CCDC62: variants seen among roughly 807,000 people sequenced by gnomAD.
The protein encoded by CCDC62 is coiled-coil domain-containing protein 62.
Under a neutral mutation model 80.8 loss-of-function variants are expected in CCDC62, and 72 were observed. That is an observed-to-expected ratio of 0.89 (90% confidence interval 0.74 to 1.08). The LOEUF is 1.08. Among genes scored for constraint, CCDC62 ranks in the 50% least tolerant of loss-of-function variants. The pLI is 0.00. For synonymous variants in CCDC62, 286 were observed against 296.5 expected (o/e 0.96, Z 0.36); for missense variants, 704 against 809.4 (o/e 0.87, Z 1.58).
chr12:122,787,299 A>C (rs894496355), intron 4 of CCDC62, among the ~76,000 whole-genome samples: 9 of 152,030 alleles, frequency 5.9e-5, no homozygotes, highest in Non-Finnish European at 1.3e-4. Flanking sequence ...AAATACAAAA[A>C]AATTAGCCGG....
chr12:122,806,016 T>C, intron 9 of CCDC62, 135 bp from the exon 10 acceptor site: 2 of 668,888 alleles, frequency 3.0e-6, no homozygotes, highest in Admixed American at 6.0e-5. Flanking sequence ...CAATCTATAA[T>C]GTTCTACTCA....
rs1593807770 is a variant in CCDC62, at chr12:122,801,307, T to C, written c.1161T>C (p.Phe387=). The C allele has an allele frequency of 3.7e-6, 6 of 1,614,132 alleles. No homozygotes were observed. The Admixed American group carries it at 8.3e-5, about 22-fold the overall frequency. Residue 387 remains phenylalanine (F), a synonymous_variant, in exon 9 of 13, where the codon TTT becomes TTC. Transcript: ENST00000253079. The stretch of plus-strand genomic sequence containing the variant: ...AGAAACAACAGATCGATACTGTGTT[T>C]GGGGAGAAAAGTGTAATTACGCTGT... The part of the protein sequence containing the change: ...KEKKQQIDTV[F]GEKSVITLSS...
In CCDC62 at chr12:122,825,505, C is replaced by A. The variant is rs1448016009; in HGVS notation, c.*41-917C>A. Among the ~76,000 whole-genome samples, 14 of 113,936 alleles carry A rather than the reference C, an allele frequency of 1.2e-4. No homozygotes were observed. In the Admixed American group the frequency reaches 1.4e-3, roughly 12 times the overall value. 74.7% of individuals were successfully genotyped at this position (113,936 alleles called of 152,430 possible). Reference sequence around the variant, plus strand: ...GGGATTACAGGCATGTGCCACCATGCCCGGCTAATTTTTTTTTTTTTTGTA... The same window carrying A: ...GGGATTACAGGCATGTGCCACCATGACCGGCTAATTTTTTTTTTTTTTGTA... On this transcript the variant is annotated intron_variant, in intron 12 of 12. Coordinates refer to ENST00000253079, the MANE Select transcript of CCDC62 (RefSeq NM_201435.5).
intron 10 of CCDC62, among the ~76,000 whole-genome samples, chr12:122,808,435 A>G (rs2135572314): frequency 6.6e-6 from 1 of 152,292 alleles, no homozygotes; most frequent in African/African-American, 2.4e-5. Flanking sequence ...TTGCATATTC[A>G]TGTATCATAA....
intron 9 of CCDC62, among the ~76,000 whole-genome samples, chr12:122,804,741 A>T (rs1331286667): frequency 6.6e-6 from 1 of 151,674 alleles, no homozygotes; most frequent in Non-Finnish European, 1.5e-5. Context: ...CTTTTTAGAG[A>T]TAGGGTCTCG....
chr12:122,798,233 T>C lies in CCDC62; in HGVS notation c.977+33T>C, dbSNP rs1223089128. ...TAGCAAGATGCAATTAATATGATCT[T>C]GTATTATATTCCATCAGCCAGTATT... On this transcript the variant is annotated intron_variant, in intron 8 of 12. Transcript: ENST00000253079. 6 of 1,003,450 alleles carry C rather than the reference T, an allele frequency of 6.0e-6. No homozygotes were observed. In the South Asian group the frequency reaches 6.5e-5, roughly 11 times the overall value. The allele number at this position is 1,003,450 out of a possible 1,614,324, so 62.2% of individuals were successfully genotyped here.
Position 122,820,061 on chromosome 12 carries a change from CAAA to C in CCDC62, c.2002-3285_2002-3283del, listed in dbSNP as rs34620795. Reference sequence around the variant, plus strand: ...TGAGCGATACAGCAAGATCCTGTCTCAAAAAAAAAAAAAAAAAAAAAAGAAGAA... The same window carrying C: ...TGAGCGATACAGCAAGATCCTGTCTCAAAAAAAAAAAAAAAAAAAGAAGAA... On this transcript the variant is annotated intron_variant, in intron 11 of 12. Transcript: ENST00000253079. Among the ~76,000 whole-genome samples the C allele has an allele frequency of 1.4e-3, 81 of 58,112 alleles. 1 individual carries two copies. The East Asian group carries it at 0.036, about 26-fold the overall frequency. The allele number at this position is 58,112 out of a possible 152,430, so 38.1% of individuals were successfully genotyped here.
At chr12:122,790,114 G>A (rs1174259286) in intron 5 of CCDC62, among the ~76,000 whole-genome samples, 1 of 151,752 alleles carries the variant, frequency 6.6e-6, no homozygotes, top group South Asian at 2.1e-4. Context: ...GCAATGGCGT[G>A]ATCTCAGCTC....
intron 12 of CCDC62, among the ~76,000 whole-genome samples, chr12:122,825,342 A>AT (rs749990077): frequency 0.39 from 35,352 of 89,640 alleles, 8,889 homozygotes; most frequent in Non-Finnish European, 0.44. Flanking sequence ...CACCTGGCTA[A>AT]TTTTTTTTTT....
chr12:122,823,785 G>A (rs1254721431), intron 12 of CCDC62, among the ~76,000 whole-genome samples: 1 of 150,060 alleles, frequency 6.7e-6, no homozygotes, highest in East Asian at 2.0e-4. Flanking sequence ...GCTGGATCAC[G>A]AGGTCAGGAG....
chr12:122,795,548 C>T (rs767821911), intron 6 of CCDC62, among the ~76,000 whole-genome samples: 3 of 151,884 alleles, frequency 2.0e-5, no homozygotes, highest in Non-Finnish European at 4.4e-5. Flanking sequence ...CTCAGCCTCC[C>T]GAGTAGCTGG....
chr12:122,777,594 T>C lies in CCDC62; in HGVS notation c.140T>C (p.Met47Thr). 6.2e-7 allele frequency: 1 copy of C among 1,614,148 alleles called. No individual in the cohort carries two copies. The highest frequency in any genetic ancestry group is 1.1e-5 in the South Asian group (1 of 91,076). ...LKDRDKELNDMVAVHQQQLLS... is the reference protein window; with the variant it reads ...LKDRDKELNDTVAVHQQQLLS... ...GATCGAGATAAAGAGCTCAATGACA[T>C]GGTTGCAGTGCACCAGCAACAGCTT... The change falls in exon 2 of 13, where the codon ATG becomes ACG. Residue 47 changes from methionine to threonine, a missense_variant. By Grantham distance (81) the Met-to-Thr change is moderately conservative (BLOSUM62 -1). Transcript: ENST00000253079.
At chr12:122,810,584 A>G (rs1001941210) in intron 10 of CCDC62, among the ~76,000 whole-genome samples, 1 of 152,028 alleles carries the variant, frequency 6.6e-6, no homozygotes, top group Admixed American at 6.6e-5. Flanking sequence ...ACTGTAAACC[A>G]GTTCAACCAT....
rs1373807423 is a variant in CCDC62 at position 122,801,421 on chromosome 12, T to C, written c.1275T>C (p.Ile425=). Residue 425 remains isoleucine, a synonymous_variant, in exon 9 of 13, where the codon ATT becomes ATC. Transcript: ENST00000253079. ...CCCAGATTGAACCCGAAAACAAAAT[T>C]ACATTGTGCAAGATCCACACAAAAT... ...GKTQIEPENK[I]TLCKIHTKSP... The C allele has an allele frequency of 5.6e-6, 9 of 1,613,566 alleles. No individual in the cohort carries two copies. Among genetic ancestry groups the C allele is most frequent in the Admixed American group, 1.7e-5 (1 of 59,940 alleles).
Position 122,813,420 on chromosome 12 carries a change from G to A in CCDC62, c.2001+1G>A. Reference sequence around the variant, plus strand: ...GAATCTCACTGGCAGTGCCACAAATGTATGCGTTTCATTTTCTCTTGACTA... The same window carrying A: ...GAATCTCACTGGCAGTGCCACAAATATATGCGTTTCATTTTCTCTTGACTA... On this transcript the variant is annotated splice_donor_variant, in intron 11 of 12. Coordinates refer to ENST00000253079, the MANE Select transcript of CCDC62 (RefSeq NM_201435.5). LOFTEE classifies it high-confidence loss of function. 1 of 1,610,086 alleles carries A rather than the reference G, an allele frequency of 6.2e-7. No individual in the cohort carries two copies. The highest frequency in any genetic ancestry group is 8.5e-7 in the Non-Finnish European group (1 of 1,178,880).
At chr12:122,805,085 A>G (rs1335310980) in intron 9 of CCDC62, among the ~76,000 whole-genome samples, 2 of 149,222 alleles carry the variant, frequency 1.3e-5, no homozygotes, top group Non-Finnish European at 3.0e-5. Flanking sequence ...GAGTTTTACC[A>G]TGTTGGCCAG....
intron 2 of CCDC62, among the ~76,000 whole-genome samples, chr12:122,779,507 C>T (rs1388428314): frequency 1.3e-5 from 2 of 152,140 alleles, no homozygotes; most frequent in African/African-American, 4.8e-5. Context: ...GCCCAAGGGT[C>T]TGCATTTCTA....
chr12:122,792,141 G>A lies in CCDC62; in HGVS notation c.772+20G>A, dbSNP rs372029273. 1,877 of 1,433,980 alleles carry A rather than the reference G, an allele frequency of 1.3e-3. 26 individuals carry two copies. The South Asian group carries it at 0.016, about 12-fold the overall frequency. 88.8% of individuals were successfully genotyped at this position (1,433,980 alleles called of 1,614,324 possible). A position where few individuals can be genotyped will look rare whatever the true frequency, so the allele number is the denominator to read the frequency against. ...TTACTGGTAAAACAGATGATCGAAT[G>A]TATTTGTAACCTAGACTTGCAATGA... On this transcript the variant is annotated intron_variant, in intron 6 of 12. Coordinates refer to ENST00000253079, the MANE Select transcript of CCDC62 (RefSeq NM_201435.5).
intron 4 of CCDC62, among the ~76,000 whole-genome samples, chr12:122,787,859 T>C (rs915982541): frequency 1.6e-4 from 24 of 152,104 alleles, no homozygotes; most frequent in African/African-American, 5.8e-4. Context: ...AAGGAGCAAG[T>C]AGGAATCCCA....
Sources: allele counts gnomAD v4.1 joint callset (sites outside exome capture counted in the v4.1 genomes callset), GRCh38; gene constraint gnomAD v4.1.1; transcripts MANE v1.5; gene names NCBI Gene and HGNC (gene_info 2026-07-23, HGNC 2026-07-21).